The following APMAP variants were observed in gnomAD, a reference collection of about 807,000 sequenced individuals.
The protein encoded by APMAP is adipocyte plasma membrane-associated protein.
In APMAP, 33 loss-of-function variants were observed where a neutral mutation model predicts 43.6. The observed-to-expected ratio is 0.76, with a 90% CI of 0.57 to 1.01. The LOEUF (loss-of-function observed/expected upper bound fraction) is 1.01, where lower values mean the gene tolerates loss of function less well. APMAP is among the 50% of genes least tolerant of loss of function. The pLI, the probability that APMAP is intolerant of heterozygous loss-of-function variation, is 0.00. For missense variants in APMAP, 498 were observed against 540.7 expected (o/e 0.92, Z 0.78); for synonymous variants, 224 against 216.7 (o/e 1.03, Z -0.30).
intron 8 of APMAP, among the ~76,000 whole-genome samples, chr20:24,968,475 C>G (rs2087965305): frequency 6.6e-6 from 1 of 152,150 alleles, no homozygotes; most frequent in Non-Finnish European, 1.5e-5. Flanking sequence ...GGAAAGGGCA[C>G]CTGCCGACTC....
chr20:24,986,428 G>C (rs78851231), intron 1 of APMAP, among the ~76,000 whole-genome samples: 5,330 of 152,258 alleles, frequency 0.035, 335 homozygotes, highest in African/African-American at 0.12. Flanking sequence ...TGAGAATGAA[G>C]GGGAAAGTCA....
rs925653009 is a variant in APMAP, at chr20:24,971,324, C to G, written c.538+136G>C. 6.4e-6 allele frequency: 5 copies of G among 779,378 alleles called. No individual in the cohort carries two copies. In the African/African-American group the frequency reaches 8.7e-5, roughly 14 times the overall value. 48.3% of individuals were successfully genotyped at this position (779,378 alleles called of 1,614,324 possible). A position where few individuals can be genotyped will look rare whatever the true frequency, so the allele number is the denominator to read the frequency against. On this transcript the variant is annotated intron_variant, in intron 5 of 8. Transcript: ENST00000217456. ...AGCTGACTTTTGCAGGCAATGTTTT[C>G]AGTACTGTTCAGTGAATAAGAAATA...
At chr20:24,978,999 GT>G (rs2088077083) in intron 2 of APMAP, 117 bp from the exon 3 acceptor site, 2 of 750,874 alleles carry the variant, frequency 2.7e-6, no homozygotes, top group East Asian at 5.3e-5. Flanking sequence ...AACATCCTCA[GT>G]TGCCAGAAAT....
chr20:24,986,851 C>T (rs977528250), intron 1 of APMAP, among the ~76,000 whole-genome samples: 7 of 152,156 alleles, frequency 4.6e-5, no homozygotes, highest in African/African-American at 1.7e-4. Flanking sequence ...AGAAGCGCTG[C>T]CTGCCAAGAG....
chr20:24,981,822 C>CAT (rs2088106963), intron 2 of APMAP, among the ~76,000 whole-genome samples: 2 of 152,178 alleles, frequency 1.3e-5, no homozygotes, highest in African/African-American at 4.8e-5. Flanking sequence ...TAGAAACATT[C>CAT]ATATCCTTCT....
rs763827471 is a variant in APMAP at position 24,970,294 on chromosome 20, T to G, written c.616A>C (p.Thr206Pro). 3 of 1,614,096 alleles carry G rather than the reference T, an allele frequency of 1.9e-6. No homozygotes were observed. The South Asian group carries it at 3.3e-5, about 18-fold the overall frequency. ...AAATAAATCTTCCTCCCATCCTGAG[T>G]GACTGTAAGATCATTCACAAAGGAC... ...NMSFVNDLTV[T>P]QDGRKIYFTD... The change falls in exon 6 of 9, where the codon ACT (threonine) becomes CCT (proline). Residue 206 changes from threonine to proline, a missense_variant. Thr to Pro is a conservative substitution (Grantham distance 38, BLOSUM62 -1). Coordinates refer to ENST00000217456, the MANE Select transcript of APMAP (RefSeq NM_020531.3).
chr20:24,990,939 A>C lies in APMAP; in HGVS notation c.95+1655T>G, dbSNP rs141011192. On this transcript the variant is annotated intron_variant, in intron 1 of 8. Coordinates refer to ENST00000217456, the MANE Select transcript of APMAP (RefSeq NM_020531.3). ...AACAATGTTCATGGACAGGGAAGTC[A>C]AGGAAATAAGTAAACATAAATGTAA... is the stretch of plus-strand genomic sequence containing the variant. Among the ~76,000 whole-genome samples, 204 of 152,386 alleles carry C rather than the reference A, an allele frequency of 1.3e-3. 1 individual carries two copies. The highest frequency in any genetic ancestry group is 4.7e-3 in the African/African-American group (194 of 41,598).
intron 2 of APMAP, among the ~76,000 whole-genome samples, chr20:24,983,683 C>G (rs1038607417): frequency 6.6e-5 from 10 of 152,094 alleles, no homozygotes; most frequent in African/African-American, 2.4e-4. Flanking sequence ...TTGGTTGATG[C>G]AGTTTTTTTA....
intron 3 of APMAP, among the ~76,000 whole-genome samples, chr20:24,976,683 T>G (rs1460814013): frequency 6.6e-6 from 1 of 152,204 alleles, no homozygotes; most frequent in Non-Finnish European, 1.5e-5. Flanking sequence ...TGCTTTTCGG[T>G]ATTTACCCAA....
intron 8 of APMAP, 48 bp from the exon 9 acceptor site, chr20:24,964,070 A>C: frequency 1.3e-6 from 2 of 1,589,018 alleles, no homozygotes; most frequent in Non-Finnish European, 1.7e-6. Context: ...GGCCAAGAAC[A>C]CTGTGCGCAG....
chr20:24,982,339 TG>T (rs1224703701), intron 2 of APMAP, among the ~76,000 whole-genome samples: 1 of 150,184 alleles, frequency 6.7e-6, no homozygotes, highest in Non-Finnish European at 1.5e-5. Flanking sequence ...ATGGTTCCAC[TG>T]CCATTCCGAA....
chr20:24,970,069 G>A, intron 6 of APMAP, 128 bp downstream of exon 6: 4 of 1,192,418 alleles, frequency 3.4e-6, no homozygotes, highest in Non-Finnish European at 4.7e-6. Context: ...AGCCACTAAG[G>A]TCCTGTCCTA....
chr20:24,992,253 G>C (rs1371398454), intron 1 of APMAP, among the ~76,000 whole-genome samples: 1 of 152,158 alleles, frequency 6.6e-6, no homozygotes, highest in African/African-American at 2.4e-5. Flanking sequence ...GGGGAGCGAG[G>C]GAAAGGCGAG....
chr20:24,969,693 G>A, intron 6 of APMAP, 33 bp from the exon 7 acceptor site: 2 of 1,586,814 alleles, frequency 1.3e-6, no homozygotes, highest in South Asian at 1.1e-5. Context: ...GGTTATGGGG[G>A]AGAATCCCTG....
chr20:24,992,309 C>G (rs1394662183), intron 1 of APMAP, among the ~76,000 whole-genome samples: 1 of 152,142 alleles, frequency 6.6e-6, no homozygotes, highest in Non-Finnish European at 1.5e-5. Flanking sequence ...GGAGGGAAGG[C>G]AAAGGAGCGG....
At chr20:24,978,266 G>C (rs1289439945) in intron 3 of APMAP, among the ~76,000 whole-genome samples, 1 of 152,196 alleles carries the variant, frequency 6.6e-6, no homozygotes, top group Non-Finnish European at 1.5e-5. Flanking sequence ...TTCTAGTTCT[G>C]AGGCATGGGC....
chr20:24,984,377 C>T (rs1445700545), intron 1 of APMAP, among the ~76,000 whole-genome samples: 1 of 152,234 alleles, frequency 6.6e-6, no homozygotes, highest in Non-Finnish European at 1.5e-5. Context: ...GATACACACT[C>T]ATCCACAGAA....
At chr20:24,980,600 C>T (rs1021904544) in intron 2 of APMAP, among the ~76,000 whole-genome samples, 2 of 151,790 alleles carry the variant, frequency 1.3e-5, no homozygotes, top group African/African-American at 4.8e-5. Flanking sequence ...GTCACCTCTA[C>T]GCGCCGGGCA....
Position 24,978,767 on chromosome 20 carries a change from C to T in APMAP, c.328G>A (p.Asp110Asn), listed in dbSNP as rs1364765646. 2 of 1,535,068 alleles carry T rather than the reference C, an allele frequency of 1.3e-6. No individual in the cohort carries two copies. Among genetic ancestry groups the T allele is most frequent in the Admixed American group, 1.7e-5 (1 of 58,412 alleles). The change falls in exon 3 of 9, where the codon GAT (aspartate) becomes AAT (asparagine). Residue 110 changes from aspartate to asparagine, a missense_variant and splice_region_variant. Asp to Asn is a conservative substitution (Grantham distance 23). Coordinates refer to ENST00000217456, the MANE Select transcript of APMAP (RefSeq NM_020531.3). The part of the protein sequence containing the change: ...VGPESIAHIG[D>N]VMFTGTADGR... ...CCCCCCCACCCAAGCTTAGACTTAC[C>T]CCCAATATGTGCTATGGACTCCGGT...
Sources: gnomAD v4.1 joint callset for allele counts (sites outside exome capture counted in the v4.1 genomes callset) on GRCh38, gnomAD v4.1.1 for gene constraint, MANE v1.5 for transcripts, NCBI Gene and HGNC (gene_info 2026-07-23, HGNC 2026-07-21) for gene names.